The following PRKCA variants were observed in gnomAD, a reference collection of about 807,000 sequenced individuals.
PRKCA encodes protein kinase C alpha type.
A neutral mutation model predicts 87.0 loss-of-function variants in PRKCA; 27 were observed. The observed-to-expected ratio is 0.31, with a 90% confidence interval of 0.23 to 0.43. The LOEUF (loss-of-function observed/expected upper bound fraction) is 0.43, where lower values mean the gene tolerates loss of function less well. Among genes scored for constraint, PRKCA ranks in the 20% least tolerant of loss-of-function variants. PRKCA has a pLI of 1.00. For synonymous variants in PRKCA, 329 were observed against 311.1 expected, an observed-to-expected ratio of 1.06 and a Z score of -0.61; for missense variants, 518 against 852.3, an observed-to-expected ratio of 0.61 and a Z score of 4.88.
At chr17:66,333,859 T>TA (rs899722262) in intron 2 of PRKCA, among the ~76,000 whole-genome samples, 4 of 152,076 alleles carry the variant, frequency 2.6e-5, no homozygotes, top group East Asian at 3.8e-4. Context: ...TTATACTTTT[T>TA]AAAAAAATGT....
intron 11 of PRKCA, among the ~76,000 whole-genome samples, chr17:66,740,594 T>C (rs1326914458): frequency 6.6e-6 from 1 of 152,320 alleles, no homozygotes; most frequent in Non-Finnish European, 1.5e-5. Context: ...GGGATTTTTC[T>C]GCCTTTATTG....
chr17:66,692,462 G>T (rs1479112665), intron 8 of PRKCA, among the ~76,000 whole-genome samples: 4 of 152,176 alleles, frequency 2.6e-5, no homozygotes, highest in African/African-American at 9.7e-5. Context: ...TTTTGTTGAG[G>T]TCTATAAATG....
intron 14 of PRKCA, chr17:66,774,660 C>G (rs1428982772): frequency 2.0e-5 from 20 of 986,696 alleles, no homozygotes; most frequent in Non-Finnish European, 6.0e-6. Flanking sequence ...GCAGTGGCCT[C>G]TAAGTTTTCA....
chr17:66,773,441 T>C (rs1368373389), intron 13 of PRKCA, among the ~76,000 whole-genome samples: 1 of 151,840 alleles, frequency 6.6e-6, no homozygotes, highest in African/African-American at 2.4e-5. Flanking sequence ...CCCTGTTACA[T>C]AGTTTGATCA....
chr17:66,313,738 A>C (rs1436019125), intron 2 of PRKCA, among the ~76,000 whole-genome samples: 6 of 152,172 alleles, frequency 3.9e-5, no homozygotes, highest in Admixed American at 3.9e-4. Context: ...TGTTATTTTT[A>C]AAATTTTTGT....
intron 3 of PRKCA, among the ~76,000 whole-genome samples, chr17:66,544,141 T>TG (rs1220933288): frequency 7.9e-5 from 12 of 152,078 alleles, no homozygotes; most frequent in African/African-American, 2.7e-4. Flanking sequence ...GGAGAATCGC[T>TG]GGAACCCGGG....
chr17:66,344,547 A>T (rs1185583349), intron 2 of PRKCA, among the ~76,000 whole-genome samples: 1 of 152,244 alleles, frequency 6.6e-6, no homozygotes, highest in Middle Eastern at 3.2e-3. Context: ...AGTTGTTATT[A>T]GCCTATCCCC....
intron 2 of PRKCA, among the ~76,000 whole-genome samples, chr17:66,438,170 G>A (rs185018540): frequency 7.9e-5 from 12 of 152,250 alleles, no homozygotes; most frequent in African/African-American, 2.4e-4. Flanking sequence ...TTGTGTGACT[G>A]CGGTTGAGAA....
intron 2 of PRKCA, among the ~76,000 whole-genome samples, chr17:66,411,382 C>T (rs1242640814): frequency 6.6e-6 from 1 of 151,846 alleles, no homozygotes; most frequent in African/African-American, 2.4e-5. Flanking sequence ...ATTCTTAAGT[C>T]TTTAAAAACA....
intron 2 of PRKCA, among the ~76,000 whole-genome samples, chr17:66,366,864 T>TA (rs1186240733): frequency 6.6e-6 from 1 of 152,142 alleles, no homozygotes; most frequent in African/African-American, 2.4e-5. Context: ...ATCAGTCTTT[T>TA]AAAAAAAGCA....
intron 2 of PRKCA, among the ~76,000 whole-genome samples, chr17:66,315,755 C>T (rs1227517475): frequency 3.3e-5 from 5 of 152,182 alleles, no homozygotes; most frequent in African/African-American, 1.2e-4. Flanking sequence ...GCTGGGATTA[C>T]AGGCATGAGC....
chr17:66,701,180 G>A (rs979454601), intron 8 of PRKCA, among the ~76,000 whole-genome samples: 1 of 152,082 alleles, frequency 6.6e-6, no homozygotes, highest in South Asian at 2.1e-4. Flanking sequence ...AAGGCATCAA[G>A]GATACAGAAT....
intron 16 of PRKCA, among the ~76,000 whole-genome samples, chr17:66,798,850 G>GAT (rs1975778543): frequency 6.6e-6 from 1 of 151,074 alleles, no homozygotes; most frequent in Non-Finnish European, 1.5e-5. Context: ...TGGTGGTGGT[G>GAT]GTGGTGGTGG....
rs1001607501 is a variant in PRKCA at position 66,777,865 on chromosome 17, A to T, written c.1605+3798A>T. Reference sequence around the variant, plus strand: ...AATTTCAGAACCCAGGTCTGCAGGAAAGTCCTCCTCCCTCCCGCAGCCTGG... The same window carrying T: ...AATTTCAGAACCCAGGTCTGCAGGATAGTCCTCCTCCCTCCCGCAGCCTGG... On this transcript the variant is annotated intron_variant, in intron 14 of 16. Coordinates refer to ENST00000413366, the MANE Select transcript of PRKCA (RefSeq NM_002737.3). 6 of 985,350 alleles carry T rather than the reference A, an allele frequency of 6.1e-6. No individual in the cohort carries two copies. The South Asian group carries it at 2.8e-4, about 46-fold the overall frequency. The allele number at this position is 985,350 out of a possible 1,614,324, so 61.0% of individuals were successfully genotyped here.
rs73996246 is a variant in PRKCA at position 66,546,634 on chromosome 17, T to C, written c.288+50351T>C. Among the ~76,000 whole-genome samples the C allele has an allele frequency of 2.1e-3, 320 of 152,330 alleles. 1 individual carries two copies. The highest frequency in any genetic ancestry group is 7.4e-3 in the African/African-American group (306 of 41,576). Reference sequence around the variant, plus strand: ...TCTTTCCTTATAAAAATAGCAATCATTGGATTTAGGGGCTACCCTAATCCA... The same window carrying C: ...TCTTTCCTTATAAAAATAGCAATCACTGGATTTAGGGGCTACCCTAATCCA... On this transcript the variant is annotated intron_variant, in intron 3 of 16. Transcript: ENST00000413366.
intron 2 of PRKCA, among the ~76,000 whole-genome samples, chr17:66,471,097 G>T (rs1438866038): frequency 6.6e-6 from 1 of 151,516 alleles, no homozygotes; most frequent in Non-Finnish European, 1.5e-5. Flanking sequence ...GCTTCATTTA[G>T]GACATATTCT....
intron 4 of PRKCA, among the ~76,000 whole-genome samples, chr17:66,644,786 C>G (rs1971408053): frequency 6.6e-6 from 1 of 152,000 alleles, no homozygotes; most frequent in Admixed American, 6.6e-5. Context: ...TTCACTCTTT[C>G]TCAGTGGTAA....
At chr17:66,727,476 G>GTCCC (rs2144183399) in intron 8 of PRKCA, among the ~76,000 whole-genome samples, 1 of 152,278 alleles carries the variant, frequency 6.6e-6, no homozygotes, top group African/African-American at 2.4e-5. Context: ...GGACAGTGAG[G>GTCCC]TCCCAGGTGA....
At chr17:66,762,490 G>A (rs1008106268) in intron 13 of PRKCA, among the ~76,000 whole-genome samples, 5 of 152,168 alleles carry the variant, frequency 3.3e-5, no homozygotes, top group Admixed American at 1.3e-4. Context: ...AGTTGGGTTC[G>A]GAGCTCTCTC....
Sources: gnomAD v4.1 joint callset for allele counts (sites outside exome capture counted in the v4.1 genomes callset) on GRCh38, gnomAD v4.1.1 for gene constraint, MANE v1.5 for transcripts, NCBI Gene and HGNC (gene_info 2026-07-23, HGNC 2026-07-21) for gene names.